TBC1D5: variants seen among roughly 807,000 people sequenced by gnomAD.
TBC1D5 encodes TBC1 domain family, member 5.
A neutral mutation model predicts 100.3 loss-of-function variants in TBC1D5; 75 were observed. The ratio of observed to expected loss-of-function variants is 0.75; its 90% CI spans 0.62 to 0.91. TBC1D5 has a LOEUF of 0.91. Among genes scored for constraint, TBC1D5 ranks in the 40% least tolerant of loss-of-function variants. The pLI is 0.00. For missense variants in TBC1D5, 910 were observed against 942.4 expected, an observed-to-expected ratio of 0.97 and a Z score of 0.45; for synonymous variants, 323 against 325.6, an observed-to-expected ratio of 0.99 and a Z score of 0.09.
intron 3 of TBC1D5, among the ~76,000 whole-genome samples, chr3:17,434,507 G>A (rs2094500567): frequency 6.6e-6 from 1 of 152,188 alleles, no homozygotes; most frequent in South Asian, 2.1e-4. Flanking sequence ...GGGATCCAGG[G>A]CACGGCCCAA....
At chr3:17,496,693 G>A (rs58233162) in intron 3 of TBC1D5, among the ~76,000 whole-genome samples, 9,396 of 152,056 alleles carry the variant, frequency 0.062, 552 homozygotes, top group African/African-American at 0.15. Context: ...GGACTGCAAC[G>A]TGAAAAAAAT....
chr3:17,269,428 T>C (rs530285774), intron 15 of TBC1D5, among the ~76,000 whole-genome samples: 1 of 152,170 alleles, frequency 6.6e-6, no homozygotes, highest in Non-Finnish European at 1.5e-5. Flanking sequence ...GATTACTTGA[T>C]TGTTTTAAGA....
chr3:17,345,008 G>T (rs1003403238), intron 13 of TBC1D5, among the ~76,000 whole-genome samples: 3 of 152,118 alleles, frequency 2.0e-5, no homozygotes, highest in Non-Finnish European at 2.9e-5. Flanking sequence ...CATAGGCATG[G>T]GCAAGGACTT....
intron 2 of TBC1D5, among the ~76,000 whole-genome samples, chr3:17,532,733 A>C (rs2096243118): frequency 6.6e-6 from 1 of 152,170 alleles, no homozygotes; most frequent in African/African-American, 2.4e-5. Context: ...AACTATCGCA[A>C]GGACAAAAAA....
rs537302064 is a variant in TBC1D5 at position 17,173,084 on chromosome 3, T to C, written c.1853-5256A>G. On this transcript the variant is annotated intron_variant, in intron 19 of 21. Coordinates refer to ENST00000253692, the Ensembl canonical transcript of TBC1D5. ...GAAGCTCCGCACCCAGTCGTTTCATTTGTACGTGCCATGTTACCTCAGTGA... is the reference window on the plus strand; with the variant it reads ...GAAGCTCCGCACCCAGTCGTTTCATCTGTACGTGCCATGTTACCTCAGTGA... Among the ~76,000 whole-genome samples the C allele has an allele frequency of 6.6e-5, 10 of 152,280 alleles. No individual in the cohort carries two copies. In the South Asian group the frequency reaches 1.5e-3, roughly 22 times the overall value.
At chr3:17,693,699 T>C (rs924019050) in intron 1 of TBC1D5, among the ~76,000 whole-genome samples, 1 of 152,176 alleles carries the variant, frequency 6.6e-6, no homozygotes, top group East Asian at 1.9e-4. Context: ...GATTTAAACG[T>C]CCCTGTCTGA....
intron 1 of TBC1D5, among the ~76,000 whole-genome samples, chr3:17,686,452 A>C (rs1215301189): frequency 9.6e-6 from 1 of 103,988 alleles, no homozygotes; most frequent in Non-Finnish European, 2.0e-5. Context: ...AAGGAAATTA[A>C]CCTAATTTAC....
At chr3:17,259,156 C>T (rs2078031913) in intron 15 of TBC1D5, among the ~76,000 whole-genome samples, 1 of 152,086 alleles carries the variant, frequency 6.6e-6, no homozygotes, top group South Asian at 2.1e-4. Flanking sequence ...TCAAAATATG[C>T]CAGGTAGTAG....
Position 17,734,711 on chromosome 3 carries a change from G to C in TBC1D5, c.-101+4632C>G, listed in dbSNP as rs946933746. Among the ~76,000 whole-genome samples, 4 of 152,186 alleles carry C rather than the reference G, an allele frequency of 2.6e-5. No individual in the cohort carries two copies. In the South Asian group the frequency reaches 8.3e-4, roughly 31 times the overall value. ...TAATCCCAATAATGGCATGTAAAAG[G>C]CCTCTCAAATGGCTTTGTTGTAAAG... On this transcript the variant is annotated intron_variant, in intron 1 of 21. Transcript: ENST00000253692.
At chr3:17,258,894 T>C (rs941815479) in intron 15 of TBC1D5, among the ~76,000 whole-genome samples, 4 of 152,148 alleles carry the variant, frequency 2.6e-5, no homozygotes, top group African/African-American at 9.7e-5. Flanking sequence ...TATAATAACA[T>C]CTAAAAACTA....
At chr3:17,455,314 ATGTG>A (rs2095042619) in intron 3 of TBC1D5, among the ~76,000 whole-genome samples, 2 of 139,812 alleles carry the variant, frequency 1.4e-5, no homozygotes, top group Non-Finnish European at 3.0e-5. Flanking sequence ...ATATGTAAAT[ATGTG>A]TATATGTGTA....
chr3:17,179,590 T>C (rs1265602519), intron 19 of TBC1D5, among the ~76,000 whole-genome samples: 3 of 152,218 alleles, frequency 2.0e-5, no homozygotes, highest in Non-Finnish European at 4.4e-5. Context: ...AGGTCTGGAC[T>C]CTCGTTGCCA....
At chr3:17,362,023 G>A (rs2091763801) in intron 13 of TBC1D5, among the ~76,000 whole-genome samples, 1 of 152,068 alleles carries the variant, frequency 6.6e-6, no homozygotes, top group Admixed American at 6.6e-5. Flanking sequence ...CAACAAAAGT[G>A]TAAAGGCAAT....
intron 13 of TBC1D5, among the ~76,000 whole-genome samples, chr3:17,332,308 G>A (rs1016369657): frequency 1.3e-5 from 2 of 152,248 alleles, no homozygotes; most frequent in South Asian, 2.1e-4. Context: ...GCAAGTAAGT[G>A]GATGCTGGTG....
rs560291723 is a variant in TBC1D5 at position 17,446,886 on chromosome 3, G to C, written c.98-18367C>G. Among the ~76,000 whole-genome samples, 165 of 152,096 alleles carry C rather than the reference G, an allele frequency of 1.1e-3. 2 individuals carry two copies. The highest frequency in any genetic ancestry group is 1.2e-3 in the Non-Finnish European group (84 of 67,988). ...CTTGGGAGGTTGAGGCAGGAGAATG[G>C]CGTGAACCTGGGAGGCGGAGCTTGC... On this transcript the variant is annotated intron_variant, in intron 3 of 21. Coordinates refer to ENST00000253692, the Ensembl canonical transcript of TBC1D5.
chr3:17,708,615 C>T (rs2074404310), intron 1 of TBC1D5, among the ~76,000 whole-genome samples: 2 of 152,322 alleles, frequency 1.3e-5, no homozygotes, highest in Middle Eastern at 3.4e-3. Flanking sequence ...GGTGTGACAA[C>T]AAAAAGTATC....
chr3:17,404,331 C>T (rs1409107751), intron 7 of TBC1D5, among the ~76,000 whole-genome samples: 1 of 152,024 alleles, frequency 6.6e-6, no homozygotes, highest in Non-Finnish European at 1.5e-5. Context: ...GTTAGCCCTA[C>T]TAAGTGAGCC....
At chr3:17,586,511 C>T (rs2096734049) in intron 2 of TBC1D5, 1 of 152,038 alleles carries the variant, frequency 6.6e-6, no homozygotes, top group Admixed American at 6.6e-5. Flanking sequence ...GAAACAGAGA[C>T]AAACTAAGTT....
intron 2 of TBC1D5, among the ~76,000 whole-genome samples, chr3:17,574,445 A>G (rs2096645491): frequency 6.6e-6 from 1 of 152,052 alleles, no homozygotes; most frequent in African/African-American, 2.4e-5. Context: ...AGACTGCTTT[A>G]CCAAGTAGCA....
Sources: allele counts gnomAD v4.1 joint callset (sites outside exome capture counted in the v4.1 genomes callset), GRCh38; gene constraint gnomAD v4.1.1; transcripts MANE v1.5; gene names NCBI Gene and HGNC (gene_info 2026-07-23, HGNC 2026-07-21).